The following ELFN1 variants were observed in gnomAD, a reference collection of about 807,000 sequenced individuals.
ELFN1 encodes the protein extracellular leucine rich repeat and fibronectin type III domain containing 1, also known as protein ELFN1.
Under a neutral mutation model 7.6 loss-of-function variants are expected in ELFN1, and 6 were observed. The observed-to-expected ratio is 0.79, with a 90% confidence interval of 0.43 to 1.56. ELFN1 has a LOEUF of 1.56. Ranked by LOEUF, ELFN1 falls within the 40% of genes most tolerant of loss-of-function variation. ELFN1 has a pLI of 0.01. For synonymous variants in ELFN1, 657 were observed against 588.1 expected (o/e 1.12, Z -1.70); for missense variants, 1,169 against 1,232.2 (o/e 0.95, Z 0.77).
At chr7:1,728,445 G>T (rs535561196) in intron 3 of ELFN1, among the ~76,000 whole-genome samples, 1 of 152,244 alleles carries the variant, frequency 6.6e-6, no homozygotes, top group South Asian at 2.1e-4. Context: ...CTGGCTGGGC[G>T]AGCAGAAGCC....
At chr7:1,675,640 G>A (rs1458509340) in intron 1 of ELFN1, among the ~76,000 whole-genome samples, 1 of 152,240 alleles carries the variant, frequency 6.6e-6, no homozygotes, top group Non-Finnish European at 1.5e-5. Flanking sequence ...GCGGGGTCTG[G>A]AAATGGGGGG....
chr7:1,742,891 C>T (rs893130251), intron 3 of ELFN1, among the ~76,000 whole-genome samples: 21 of 152,344 alleles, frequency 1.4e-4, no homozygotes, highest in African/African-American at 4.8e-4. Flanking sequence ...CGCTTCAGTG[C>T]AGACTAGTTG....
intron 1 of ELFN1, among the ~76,000 whole-genome samples, chr7:1,681,645 G>A (rs780640753): frequency 1.4e-4 from 21 of 152,120 alleles, no homozygotes; most frequent in Non-Finnish European, 2.1e-4. Context: ...CACTGTGCCC[G>A]GCCATATTTA....
intron 3 of ELFN1, among the ~76,000 whole-genome samples, chr7:1,720,850 G>T (rs560441161): frequency 4.0e-5 from 6 of 151,592 alleles, no homozygotes; most frequent in Non-Finnish European, 5.9e-5. Flanking sequence ...TAAATAGTGA[G>T]CATTAACTCA....
At chr7:1,743,087 GT>G (rs1447272161) in intron 3 of ELFN1, among the ~76,000 whole-genome samples, 6 of 106,494 alleles carry the variant, frequency 5.6e-5, no homozygotes, top group Non-Finnish European at 9.8e-5. Flanking sequence ...GAGGGTAGTG[GT>G]GGGGGGGTCC....
chr7:1,695,028 C>T lies in ELFN1; in HGVS notation c.-456+6878C>T, dbSNP rs1043610446. On this transcript the variant is annotated intron_variant, in intron 2 of 3. Coordinates refer to ENST00000424383, the MANE Select transcript of ELFN1 (RefSeq NM_001128636.4). The surrounding 1 kb of genome is among the most constrained non-coding windows in gnomAD (Gnocchi z 5.1). ...TTGAGTGCTGCAGAGGGGCGTCGGGCGTCGTGCACATGTGCCCATCCCCCT... is the reference window on the plus strand; with the variant it reads ...TTGAGTGCTGCAGAGGGGCGTCGGGTGTCGTGCACATGTGCCCATCCCCCT... 5.9e-5 allele frequency among the ~76,000 whole-genome samples: 9 copies of T among 152,204 alleles called. No individual in the cohort carries two copies. The highest frequency in any genetic ancestry group is 1.2e-4 in the African/African-American group (5 of 41,462).
At chr7:1,677,529 C>T (rs116960276) in intron 1 of ELFN1, among the ~76,000 whole-genome samples, 6 of 151,200 alleles carry the variant, frequency 4.0e-5, no homozygotes, top group African/African-American at 7.3e-5. Flanking sequence ...TGTGTAGGTT[C>T]GCGGGTGTGT....
intron 1 of ELFN1, among the ~76,000 whole-genome samples, chr7:1,678,563 C>T (rs1451778331): frequency 6.6e-6 from 1 of 152,178 alleles, no homozygotes; most frequent in Non-Finnish European, 1.5e-5. Flanking sequence ...CACCCTTGGG[C>T]CCCCACCCCA....
chr7:1,698,883 CAG>C (rs1779369609), intron 2 of ELFN1, among the ~76,000 whole-genome samples: 1 of 152,174 alleles, frequency 6.6e-6, no homozygotes, highest in Admixed American at 6.5e-5. Flanking sequence ...AGTGAAGAAA[CAG>C]AACAAAACCA....
rs554642822 is a variant in ELFN1 at position 1,736,737 on chromosome 7, A to G, written c.-293-7567A>G. ...TCTGGTTCAACAATTTCATGTTAGG[A>G]TGGGGGAAACTGAGGCCTGGAGGTG... On this transcript the variant is annotated intron_variant, in intron 3 of 3. Transcript: ENST00000424383. 5.3e-5 allele frequency among the ~76,000 whole-genome samples: 8 copies of G among 152,292 alleles called. No individual in the cohort carries two copies. The South Asian group carries it at 1.7e-3, about 32-fold the overall frequency.
chr7:1,722,771 TATAAA>T (rs1445581704), intron 3 of ELFN1, among the ~76,000 whole-genome samples: 1 of 152,232 alleles, frequency 6.6e-6, no homozygotes, highest in African/African-American at 2.4e-5. Context: ...ATTTTAAAGT[TATAAA>T]ATATTTAATA....
intron 2 of ELFN1, among the ~76,000 whole-genome samples, chr7:1,708,006 A>AC (rs1373693902): frequency 2.6e-5 from 4 of 152,136 alleles, no homozygotes; most frequent in Non-Finnish European, 5.9e-5. Flanking sequence ...AGAGCCCAGC[A>AC]CCAACCCCCC....
intron 3 of ELFN1, among the ~76,000 whole-genome samples, chr7:1,718,192 A>G (rs1248162981): frequency 6.6e-6 from 1 of 152,140 alleles, no homozygotes; most frequent in Non-Finnish European, 1.5e-5. Flanking sequence ...GAACACTTCA[A>G]CTCCACTCAC....
upstream of ELFN1, among the ~76,000 whole-genome samples, chr7:1,667,047 C>G (rs955732652): frequency 2.0e-5 from 3 of 151,756 alleles, no homozygotes; most frequent in Admixed American, 6.5e-5. The surrounding 1 kb of genome is among the most constrained non-coding windows in gnomAD (Gnocchi z 8.2). Flanking sequence ...ACCCCCAGCT[C>G]TCCTGGTCCC....
intron 3 of ELFN1, among the ~76,000 whole-genome samples, chr7:1,718,663 C>G (rs900976751): frequency 1.3e-5 from 2 of 152,088 alleles, no homozygotes; most frequent in African/African-American, 2.4e-5. Flanking sequence ...GTGCGGTCAC[C>G]CCACCTGGAG....
At chr7:1,701,378 G>A (rs752157880) in intron 2 of ELFN1, among the ~76,000 whole-genome samples, 26 of 152,182 alleles carry the variant, frequency 1.7e-4, no homozygotes, top group Non-Finnish European at 2.5e-4. Context: ...TTGTAGACAC[G>A]GTGTCTTCTT....
intron 2 of ELFN1, among the ~76,000 whole-genome samples, chr7:1,698,014 T>C (rs1779354686): frequency 6.6e-6 from 1 of 152,224 alleles, no homozygotes; most frequent in Admixed American, 6.5e-5. Context: ...GCAGCAGGCT[T>C]GGAGAAGACA....
Position 1,745,834 on chromosome 7 carries a change from C to T in ELFN1, c.1238C>T (p.Ser413Phe). 6.3e-7 allele frequency: 1 copy of T among 1,579,344 alleles called. No homozygotes were observed. Among genetic ancestry groups the T allele is most frequent in the South Asian group, 1.2e-5 (1 of 86,616 alleles). Residue 413 changes from serine (S) to phenylalanine (F), a missense_variant, in exon 4 of 4, where the codon TCC (serine) becomes TTC (phenylalanine). Transcript: ENST00000424383. ...PSPPGPVPSP[S>F]TATHYIMTIL... ...CCGCCTGGTCCGGTGCCCAGCCCCT[C>T]CACGGCCACCCACTACATCATGACC...
intron 2 of ELFN1, chr7:1,693,824 C>A (rs893260629): frequency 2.8e-5 from 13 of 466,488 alleles, no homozygotes; most frequent in Non-Finnish European, 5.4e-5. Context: ...TCCCCAGGGA[C>A]GGCTGGGCCA....
Sources: allele counts gnomAD v4.1 joint callset (sites outside exome capture counted in the v4.1 genomes callset), GRCh38; gene constraint gnomAD v4.1.1; non-coding constraint Gnocchi (gnomAD v3.1); transcripts MANE v1.5; gene names NCBI Gene and HGNC (gene_info 2026-07-23, HGNC 2026-07-21).